The following RALYL variants were observed in gnomAD, a reference collection of about 807,000 sequenced individuals.
RALYL encodes RALY RNA binding protein like.
In RALYL, 29 loss-of-function variants were observed where a neutral mutation model predicts 35.1. That is an observed-to-expected ratio of 0.83 (90% CI 0.61 to 1.13). RALYL has a LOEUF of 1.13. Among genes scored for constraint, RALYL ranks in the 50% most tolerant of loss-of-function variants. The pLI is 0.00. For synonymous variants in RALYL, 120 were observed against 127.6 expected, an observed-to-expected ratio of 0.94 and a Z score of 0.40; for missense variants, 359 against 360.4, an observed-to-expected ratio of 1.00 and a Z score of 0.03.
chr8:84,370,154 A>T (rs1268178619), intron 1 of RALYL, among the ~76,000 whole-genome samples: 1 of 152,108 alleles, frequency 6.6e-6, no homozygotes, highest in East Asian at 1.9e-4. Context: ...TTGTTCTAGG[A>T]TGTATTAAAA....
intron 8 of RALYL, among the ~76,000 whole-genome samples, chr8:84,919,826 A>T (rs952578870): frequency 6.6e-6 from 1 of 152,070 alleles, no homozygotes; most frequent in African/African-American, 2.4e-5. Flanking sequence ...CATGTTAGAC[A>T]GGTAATGTGC....
intron 1 of RALYL, among the ~76,000 whole-genome samples, chr8:84,243,574 G>A (rs192261930): frequency 1.6e-4 from 24 of 149,674 alleles, no homozygotes; most frequent in Middle Eastern, 7.0e-3. Flanking sequence ...TTCAATCTGG[G>A]AGGTATGCAT....
rs560027356 is a variant in RALYL, at chr8:84,525,771, A to G, written c.-23-3528A>G. On this transcript the variant is annotated intron_variant, in intron 1 of 8. Transcript: ENST00000521268. ...ATCACCATTCAGTGATTTAAAAAAA[A>G]GTTTTAGATATTACAGTTTTTATCT... 6.4e-4 allele frequency among the ~76,000 whole-genome samples: 97 copies of G among 152,134 alleles called. 1 individual carries two copies. The Middle Eastern group carries it at 0.02, about 32-fold the overall frequency.
chr8:84,684,164 T>C (rs939806735), intron 2 of RALYL, among the ~76,000 whole-genome samples: 8 of 152,200 alleles, frequency 5.3e-5, no homozygotes, highest in African/African-American at 1.9e-4. Flanking sequence ...CATCTTTTCA[T>C]TGGAATCCTA....
At chr8:84,631,966 A>G (rs1824003067) in intron 2 of RALYL, among the ~76,000 whole-genome samples, 1 of 151,924 alleles carries the variant, frequency 6.6e-6, no homozygotes, top group Non-Finnish European at 1.5e-5. Context: ...TATGTTCTAA[A>G]AGCTTGTTTC....
intron 2 of RALYL, among the ~76,000 whole-genome samples, chr8:84,753,281 A>T (rs1028031773): frequency 6.6e-6 from 1 of 152,154 alleles, no homozygotes; most frequent in Admixed American, 6.5e-5. Context: ...TTGTAACTCC[A>T]TTGTACTTTG....
At position 84,869,966 on chromosome 8, in the gene RALYL, G is replaced by T. The variant is rs557703457; in HGVS notation, c.572-3318G>T. On this transcript the variant is annotated intron_variant, in intron 6 of 8. Transcript: ENST00000521268. ...TAATAACATTTATCACCAAATCAATGAACTCTATAGAGAGAGCAGATCTGA... is the reference window on the plus strand; with the variant it reads ...TAATAACATTTATCACCAAATCAATTAACTCTATAGAGAGAGCAGATCTGA... Among the ~76,000 whole-genome samples the T allele has an allele frequency of 3.9e-5, 6 of 152,044 alleles. No individual in the cohort carries two copies. The East Asian group carries it at 1.2e-3, about 29-fold the overall frequency.
chr8:84,817,865 C>T (rs925350160), intron 4 of RALYL, among the ~76,000 whole-genome samples: 2 of 152,152 alleles, frequency 1.3e-5, no homozygotes, highest in African/African-American at 4.8e-5. Context: ...ATAACTAACT[C>T]TTAACAGCTG....
At chr8:84,757,546 C>A (rs1043145398) in intron 2 of RALYL, among the ~76,000 whole-genome samples, 1 of 151,974 alleles carries the variant, frequency 6.6e-6, no homozygotes, top group South Asian at 2.1e-4. Flanking sequence ...GCAGGGGCGG[C>A]GAATATGATG....
At chr8:84,456,700 G>A (rs995641416) in intron 1 of RALYL, among the ~76,000 whole-genome samples, 1 of 151,968 alleles carries the variant, frequency 6.6e-6, no homozygotes, top group Non-Finnish European at 1.5e-5. Context: ...CTGAATACAA[G>A]TGACTGAGAT....
At chr8:84,525,889 G>C (rs1453328639) in intron 1 of RALYL, among the ~76,000 whole-genome samples, 3 of 148,906 alleles carry the variant, frequency 2.0e-5, no homozygotes, top group South Asian at 4.2e-4. Flanking sequence ...AGGAGTTTTT[G>C]TGTGATGGTG....
intron 1 of RALYL, among the ~76,000 whole-genome samples, chr8:84,232,883 A>T (rs1046777293): frequency 6.6e-6 from 1 of 152,160 alleles, no homozygotes; most frequent in Non-Finnish European, 1.5e-5. Flanking sequence ...CAGCCATTAA[A>T]AGTGGTATAG....
chr8:84,635,730 G>T (rs758725025), intron 2 of RALYL, among the ~76,000 whole-genome samples: 11 of 151,724 alleles, frequency 7.3e-5, no homozygotes, highest in Non-Finnish European at 1.5e-4. Flanking sequence ...TATAGATTTA[G>T]AAGGGAACTT....
intron 8 of RALYL, among the ~76,000 whole-genome samples, chr8:84,915,557 C>A (rs1488253382): frequency 6.6e-6 from 1 of 152,074 alleles, no homozygotes; most frequent in Non-Finnish European, 1.5e-5. Flanking sequence ...ACAAATAGAG[C>A]AAGCTGCCTT....
chr8:84,707,719 T>C lies in RALYL; in HGVS notation c.257-66860T>C, dbSNP rs573542474. On this transcript the variant is annotated intron_variant, in intron 2 of 8. Transcript: ENST00000521268. ...TTTTCTATATTCTAATAATATAAAA[T>C]ATCAGAGAGCAGGAACATAATAAAA... Among the ~76,000 whole-genome samples, 4 of 152,258 alleles carry C rather than the reference T, an allele frequency of 2.6e-5. No homozygotes were observed. The South Asian group carries it at 6.2e-4, about 24-fold the overall frequency.
intron 1 of RALYL, among the ~76,000 whole-genome samples, chr8:84,249,930 G>T (rs1044475167): frequency 6.6e-6 from 1 of 151,150 alleles, no homozygotes; most frequent in Admixed American, 6.6e-5. Context: ...ATAACAAGAA[G>T]ATATAAAAAG....
intron 2 of RALYL, among the ~76,000 whole-genome samples, chr8:84,603,327 C>T (rs1459353006): frequency 1.3e-5 from 2 of 151,998 alleles, no homozygotes; most frequent in East Asian, 3.9e-4. Context: ...ATTATTGTTA[C>T]TTTATTATAA....
intron 1 of RALYL, among the ~76,000 whole-genome samples, chr8:84,207,946 A>G (rs1405390518): frequency 1.3e-5 from 2 of 152,102 alleles, no homozygotes; most frequent in African/African-American, 2.4e-5. Context: ...AAGTTTCATC[A>G]AAGTAGAAAT....
chr8:84,476,387 T>C lies in RALYL; in HGVS notation c.-23-52912T>C, dbSNP rs556478429. On this transcript the variant is annotated intron_variant, in intron 1 of 8. Transcript: ENST00000521268. ...CCCATACACAATGCTTTGACTCTTATGGAAAACCTCTTTTGCTTTCTATAA... is the reference window on the plus strand; with the variant it reads ...CCCATACACAATGCTTTGACTCTTACGGAAAACCTCTTTTGCTTTCTATAA... Among the ~76,000 whole-genome samples the C allele has an allele frequency of 3.9e-5, 6 of 152,308 alleles. No individual in the cohort carries two copies. The South Asian group carries it at 6.2e-4, about 16-fold the overall frequency.
Sources: allele counts gnomAD v4.1 joint callset (sites outside exome capture counted in the v4.1 genomes callset), GRCh38; gene constraint gnomAD v4.1.1; transcripts MANE v1.5; gene names NCBI Gene and HGNC (gene_info 2026-07-23, HGNC 2026-07-21).